The following TPRG1 variants were observed in gnomAD, a reference collection of about 807,000 sequenced individuals.
TPRG1 encodes tumor protein p63 regulated 1.
In TPRG1, 29 loss-of-function variants were observed where a neutral mutation model predicts 29.3. That is an observed-to-expected ratio of 0.99 (90% CI 0.74 to 1.35). The LOEUF (loss-of-function observed/expected upper bound fraction) is 1.35. TPRG1 is among the 40% of genes most tolerant of loss of function. The pLI, the probability that TPRG1 is intolerant of heterozygous loss-of-function variation, is 0.00. For synonymous variants in TPRG1, 130 were observed against 116.8 expected, an observed-to-expected ratio of 1.11 and a Z score of -0.73; for missense variants, 327 against 335.0, an observed-to-expected ratio of 0.98 and a Z score of 0.19.
At chr3:189,157,491 A>C (rs1726847541) in intron 5 of TPRG1, among the ~76,000 whole-genome samples, 1 of 152,160 alleles carries the variant, frequency 6.6e-6, no homozygotes. Context: ...CCAGGAACTC[A>C]GTGAGGGGCA....
At chr3:189,193,654 A>G (rs986161481) in intron 1 of TPRG1, among the ~76,000 whole-genome samples, 14 of 149,538 alleles carry the variant, frequency 9.4e-5, no homozygotes, top group African/African-American at 2.7e-4. Context: ...CAAATTACCT[A>G]TCTTCAAATT....
At chr3:189,090,714 C>T (rs936778140) in intron 4 of TPRG1, among the ~76,000 whole-genome samples, 1 of 151,896 alleles carries the variant, frequency 6.6e-6, no homozygotes, top group Non-Finnish European at 1.5e-5. Flanking sequence ...TCAACATTTA[C>T]CCTATGTATC....
chr3:189,236,324 GT>G (rs1378644262), intron 3 of TPRG1, among the ~76,000 whole-genome samples: 8 of 152,118 alleles, frequency 5.3e-5, no homozygotes, highest in Admixed American at 2.0e-4. Context: ...AAAAGCTGCA[GT>G]TTTTTTAGAC....
intron 1 of TPRG1, among the ~76,000 whole-genome samples, chr3:189,122,039 T>A (rs1176967822): frequency 1.3e-5 from 2 of 152,144 alleles, no homozygotes; most frequent in Non-Finnish European, 2.9e-5. Flanking sequence ...TGTGTGTGTG[T>A]GTTTGTGTAT....
intron 1 of TPRG1, among the ~76,000 whole-genome samples, chr3:189,178,597 T>C (rs191057101): frequency 6.6e-6 from 1 of 152,346 alleles, no homozygotes; most frequent in East Asian, 1.9e-4. Flanking sequence ...ATTTTATCTT[T>C]CTACAACCCT....
At position 189,278,250 on chromosome 3, in the gene TPRG1, C is replaced by T. The variant is rs796836764; in HGVS notation, c.480-32136C>T. ...AGGAGCAGTGAAGGGCCTGGGTAACCTATTGCCTGGGTTATCAGGTGAATC... is the reference window on the plus strand; with the variant it reads ...AGGAGCAGTGAAGGGCCTGGGTAACTTATTGCCTGGGTTATCAGGTGAATC... On this transcript the variant is annotated intron_variant, in intron 4 of 5. Transcript: ENST00000345063. Among the ~76,000 whole-genome samples the T allele has an allele frequency of 6.6e-4, 100 of 152,282 alleles. 1 individual carries two copies. The highest frequency in any genetic ancestry group is 2.4e-3 in the African/African-American group (99 of 41,554).
chr3:189,051,453 A>C (rs1715314523), intron 4 of TPRG1, among the ~76,000 whole-genome samples: 1 of 152,190 alleles, frequency 6.6e-6, no homozygotes, highest in Admixed American at 6.5e-5. Flanking sequence ...AGATGACACA[A>C]ACAAATGGAA....
chr3:189,250,136 C>T (rs1203387183), intron 4 of TPRG1, among the ~76,000 whole-genome samples: 1 of 152,082 alleles, frequency 6.6e-6, no homozygotes, highest in Non-Finnish European at 1.5e-5. Flanking sequence ...CCTAATTAAC[C>T]TGTGCAGCTT....
At chr3:189,220,970 T>C (rs755650010) in intron 3 of TPRG1, among the ~76,000 whole-genome samples, 64 of 152,204 alleles carry the variant, frequency 4.2e-4, no homozygotes, top group Non-Finnish European at 7.9e-4. Flanking sequence ...GATTACCATA[T>C]AGTTTTTATA....
At chr3:189,303,213 G>T (rs1210636211) in intron 4 of TPRG1, among the ~76,000 whole-genome samples, 1 of 152,038 alleles carries the variant, frequency 6.6e-6, no homozygotes, top group East Asian at 1.9e-4. Flanking sequence ...AAATCTGGGT[G>T]TTTTTTTGGA....
chr3:189,018,574 T>C (rs1713092348), intron 3 of TPRG1, among the ~76,000 whole-genome samples: 3 of 137,210 alleles, frequency 2.2e-5, no homozygotes, highest in Middle Eastern at 3.8e-3. Flanking sequence ...GGCTCTGTTC[T>C]GTTCCATTGA....
chr3:189,307,851 A>G (rs1721863640), intron 4 of TPRG1, among the ~76,000 whole-genome samples: 1 of 152,176 alleles, frequency 6.6e-6, no homozygotes, highest in Non-Finnish European at 1.5e-5. Flanking sequence ...GAAATAGCTG[A>G]TTTGTGCTTT....
rs1735887583 is a variant in TPRG1, at chr3:189,215,245, G to T, written c.211-47G>T. The T allele has an allele frequency of 2.0e-6, 3 of 1,506,496 alleles. No homozygotes were observed. In the South Asian group the frequency reaches 3.7e-5, roughly 19 times the overall value. 93.3% of individuals were successfully genotyped at this position (1,506,496 alleles called of 1,614,324 possible). A position where few individuals can be genotyped will look rare whatever the true frequency, so the allele number is the denominator to read the frequency against. On this transcript the variant is annotated intron_variant, in intron 2 of 5. Coordinates refer to ENST00000345063, the MANE Select transcript of TPRG1 (RefSeq NM_198485.4). Reference sequence around the variant, plus strand: ...TATACTAACTAATCATAAGCGCGAAGTGGGCTAAGTCTGCTCTAAACTAGG... The same window carrying T: ...TATACTAACTAATCATAAGCGCGAATTGGGCTAAGTCTGCTCTAAACTAGG...
chr3:189,161,002 C>G (rs1167690843), intron 5 of TPRG1, among the ~76,000 whole-genome samples: 2 of 152,216 alleles, frequency 1.3e-5, no homozygotes, highest in Non-Finnish European at 2.9e-5. Context: ...TGGCTTTGCC[C>G]TGTGGCATGG....
intron 4 of TPRG1, among the ~76,000 whole-genome samples, chr3:189,288,647 G>C (rs1343550480): frequency 6.6e-6 from 1 of 152,176 alleles, no homozygotes; most frequent in Non-Finnish European, 1.5e-5. Context: ...CACCTCAGTG[G>C]GGTCAAAGGC....
chr3:189,017,661 G>C (rs1332048372), intron 3 of TPRG1, among the ~76,000 whole-genome samples: 5 of 152,222 alleles, frequency 3.3e-5, no homozygotes, highest in African/African-American at 1.2e-4. Context: ...CCAAGTCTTT[G>C]CTATTGTGAA....
chr3:189,027,496 A>G (rs1374191621), intron 4 of TPRG1, among the ~76,000 whole-genome samples: 3 of 152,250 alleles, frequency 2.0e-5, no homozygotes, highest in African/African-American at 4.8e-5. Flanking sequence ...CATAAAGTCT[A>G]TGTAGAAATA....
At chr3:189,237,414 C>T (rs1015539653) in intron 3 of TPRG1, among the ~76,000 whole-genome samples, 25 of 152,308 alleles carry the variant, frequency 1.6e-4, no homozygotes, top group African/African-American at 6.0e-4. Flanking sequence ...TCAGTGCCCA[C>T]ATGGTACCCA....
intron 4 of TPRG1, among the ~76,000 whole-genome samples, chr3:189,295,716 G>A (rs7635519): frequency 0.27 from 41,397 of 151,808 alleles, 6,229 homozygotes; most frequent in Middle Eastern, 0.35. Context: ...TCTCAAGGGC[G>A]CGTGATGTTT....
Sources: gnomAD v4.1 joint callset for allele counts (sites outside exome capture counted in the v4.1 genomes callset) on GRCh38, gnomAD v4.1.1 for gene constraint, MANE v1.5 for transcripts, NCBI Gene and HGNC (gene_info 2026-07-23, HGNC 2026-07-21) for gene names.